FUS: variants seen among roughly 807,000 people sequenced by gnomAD.
FUS encodes FUS RNA binding protein, also known as RNA-binding protein FUS.
Under a neutral mutation model 82.7 loss-of-function variants are expected in FUS, and 5 were observed. That is an observed-to-expected ratio of 0.06 (90% CI 0.03 to 0.13). The LOEUF is 0.13. Ranked by LOEUF, FUS falls within the 10% of genes least tolerant of loss-of-function variation. The pLI, the probability that FUS is intolerant of heterozygous loss-of-function variation, is 1.00. For missense variants in FUS, 512 were observed against 707.8 expected (o/e 0.72, Z 3.14); for synonymous variants, 281 against 247.4 (o/e 1.14, Z -1.27).
downstream of FUS, chr16:31,194,520 C>T (rs1459289452): frequency 1.0e-5 from 5 of 498,512 alleles, no homozygotes; most frequent in African/African-American, 5.8e-5. Flanking sequence ...CTGGTCTGGT[C>T]TCAAAACTGC....
intron 6 of FUS, 107 bp downstream of exon 6, chr16:31,185,286 A>G (rs2079251299): frequency 7.5e-7 from 1 of 1,340,152 alleles, no homozygotes; most frequent in East Asian, 2.5e-5. Flanking sequence ...CTTGTTGTCT[A>G]GGGATCTGTG....
At chr16:31,193,775 G>C (rs138859808), downstream of FUS, 19 of 529,242 alleles carry the variant, frequency 3.6e-5, no homozygotes, top group African/African-American at 3.4e-4. Flanking sequence ...TGGGACTACA[G>C]GTGCTTCCTC....
At chr16:31,186,600 GTGTC>G (rs1159281403) in intron 6 of FUS, 198 bp from the exon 7 acceptor site, 8 of 621,092 alleles carry the variant, frequency 1.3e-5, no homozygotes, top group East Asian at 8.2e-5. Context: ...TTTATAAACT[GTGTC>G]TGAGAAATTG....
At chr16:31,182,192 T>C (rs1567469224) in intron 1 of FUS, 1 of 620,686 alleles carries the variant, frequency 1.6e-6, no homozygotes, top group Non-Finnish European at 2.9e-6. Flanking sequence ...GGCTTCACCA[T>C]GTTGGTCAGG....
intron 6 of FUS, chr16:31,185,939 A>T: frequency 4.1e-6 from 1 of 242,720 alleles, no homozygotes. Context: ...GATTTGAAGG[A>T]CCCTACTCTG....
intron 9 of FUS, among the ~76,000 whole-genome samples, chr16:31,189,462 A>T (rs1347453827): frequency 6.6e-6 from 1 of 152,236 alleles, no homozygotes; most frequent in Non-Finnish European, 1.5e-5. Context: ...TTTGTACTCT[A>T]TAGTAACTTT....
chr16:31,180,949 G>A (rs1383913107), intron 1 of FUS, among the ~76,000 whole-genome samples: 3 of 151,384 alleles, frequency 2.0e-5, no homozygotes, highest in African/African-American at 4.9e-5. Flanking sequence ...GTCTTCCTCT[G>A]TCGCCCAGGC....
At chr16:31,188,585 G>A in intron 8 of FUS, 1 of 598,816 alleles carries the variant, frequency 1.7e-6, no homozygotes. Context: ...AGAGGACCCT[G>A]AAAATCTACC....
intron 1 of FUS, among the ~76,000 whole-genome samples, chr16:31,180,459 G>T (rs1399170028): frequency 2.6e-5 from 4 of 152,172 alleles, no homozygotes; most frequent in Non-Finnish European, 4.4e-5. Context: ...CCGTTTGCTT[G>T]GGGTGGGCGT....
intron 4 of FUS, 45 bp downstream of exon 4, chr16:31,184,047 A>G (rs1437304048): frequency 1.2e-6 from 2 of 1,613,666 alleles, no homozygotes; most frequent in Admixed American, 1.7e-5. Context: ...AGAGGGGTGA[A>G]TTGATGAGGA....
intron 1 of FUS, 163 bp from the exon 2 acceptor site, chr16:31,182,235 C>T (rs764101757): frequency 2.6e-6 from 2 of 777,994 alleles, no homozygotes; most frequent in South Asian, 1.5e-5. Context: ...AAGTGATCCA[C>T]CCACCTCGGC....
At chr16:31,193,769 A>T (rs2079389914), downstream of FUS, 1 of 530,066 alleles carries the variant, frequency 1.9e-6, no homozygotes, top group Non-Finnish European at 3.6e-6. Flanking sequence ...AGTAGCTGGG[A>T]CTACAGGTGC....
At chr16:31,191,367 TG>T (rs1313656160) in intron 14 of FUS, 31 bp from the exon 15 acceptor site, 1 of 1,609,716 alleles carries the variant, frequency 6.2e-7, no homozygotes, top group African/African-American at 1.3e-5. Flanking sequence ...TCAAATATAA[TG>T]GATACTTAAT....
At chr16:31,181,932 C>T (rs1217881542) in intron 1 of FUS, among the ~76,000 whole-genome samples, 2 of 152,076 alleles carry the variant, frequency 1.3e-5, no homozygotes, top group Non-Finnish European at 2.9e-5. Flanking sequence ...TGGCTGATAA[C>T]GCCAGTTTGT....
In FUS at chr16:31,190,092, A is replaced by G; in HGVS notation, c.1119A>G (p.Ala373=). The part of the protein sequence containing the change: ...PIKVSFATRR[A]DFNRGGGNGR... The stretch of plus-strand genomic sequence containing the variant: ...AGGTCTCATTTGCTACTCGCCGGGC[A>G]GACTTTAATCGGGGTGGTGGCAATG... The change falls in exon 11 of 15, where the codon GCA becomes GCG. Residue 373 remains alanine, a synonymous_variant. Transcript: ENST00000254108. The G allele has an allele frequency of 6.2e-7, 1 of 1,614,168 alleles. No individual in the cohort carries two copies. Among genetic ancestry groups the G allele is most frequent in the Non-Finnish European group, 8.5e-7 (1 of 1,180,010 alleles).
In FUS at chr16:31,191,311, G is replaced by C. The variant is rs556052095; in HGVS notation, c.1542-88G>C. On this transcript the variant is annotated intron_variant, in intron 14 of 14. Coordinates refer to ENST00000254108, the MANE Select transcript of FUS (RefSeq NM_004960.4). Reference sequence around the variant, plus strand: ...TTGAGATAAGATACTCGCTGGGTTAGGTAGGAGGGGCAGATAGGATATCTA... The same window carrying C: ...TTGAGATAAGATACTCGCTGGGTTACGTAGGAGGGGCAGATAGGATATCTA... 23 of 1,553,254 alleles carry C rather than the reference G, an allele frequency of 1.5e-5. No homozygotes were observed. In the African/African-American group the frequency reaches 2.6e-4, roughly 18 times the overall value.
At chr16:31,188,289 G>GTTTTTTTTT in intron 7 of FUS, 36 bp from the exon 8 acceptor site, 1 of 1,388,060 alleles carries the variant, frequency 7.2e-7, no homozygotes, top group Non-Finnish European at 9.9e-7. Context: ...CCTTGTTTTT[G>GTTTTTTTTT]TTTTTTTTTT....
At chr16:31,189,260 G>C in intron 9 of FUS, 34 bp downstream of exon 9, 1 of 1,431,842 alleles carries the variant, frequency 7.0e-7, no homozygotes, top group Non-Finnish European at 9.9e-7. Flanking sequence ...CTTTCTGTCA[G>C]TGTTGTAGGC....
chr16:31,182,351 T>G, intron 1 of FUS, 47 bp from the exon 2 acceptor site: 1 of 1,609,942 alleles, frequency 6.2e-7, no homozygotes, highest in Non-Finnish European at 8.5e-7. Context: ...ATTCAACTCT[T>G]TCAGAGTGGC....
Sources: allele counts gnomAD v4.1 joint callset (sites outside exome capture counted in the v4.1 genomes callset), GRCh38; gene constraint gnomAD v4.1.1; transcripts MANE v1.5; gene names NCBI Gene and HGNC (gene_info 2026-07-23, HGNC 2026-07-21).